The following FNDC1 variants were observed in gnomAD, a reference collection of about 807,000 sequenced individuals.
FNDC1 encodes fibronectin type III domain containing 1, also known as fibronectin type III domain-containing protein 1.
Under a neutral mutation model 168.0 loss-of-function variants are expected in FNDC1, and 96 were observed. The observed-to-expected ratio is 0.57, with a 90% confidence interval of 0.48 to 0.68. The LOEUF (loss-of-function observed/expected upper bound fraction) is 0.68. FNDC1 is among the 30% of genes least tolerant of loss of function. FNDC1 has a pLI of 0.00. For missense variants in FNDC1, 2,587 were observed against 2,482.1 expected (o/e 1.04, Z -0.90); for synonymous variants, 1,099 against 1,025.9 (o/e 1.07, Z -1.36).
chr6:159,228,598 A>G (rs1465790566), intron 9 of FNDC1, among the ~76,000 whole-genome samples: 1 of 152,198 alleles, frequency 6.6e-6, no homozygotes, highest in Non-Finnish European at 1.5e-5. Context: ...GGGAAAAGAA[A>G]AGATCATCCA....
At chr6:159,206,195 G>A (rs1022726582) in intron 4 of FNDC1, among the ~76,000 whole-genome samples, 13 of 152,374 alleles carry the variant, frequency 8.5e-5, no homozygotes, top group Admixed American at 3.9e-4. Flanking sequence ...CACCAGACTC[G>A]TGCTTAACAT....
chr6:159,216,751 A>G (rs1400975954), intron 5 of FNDC1, among the ~76,000 whole-genome samples: 3 of 152,214 alleles, frequency 2.0e-5, no homozygotes, highest in Admixed American at 1.3e-4. Context: ...CACTTGCCCT[A>G]TGTTCTCCAG....
At chr6:159,205,435 T>G (rs1410072201) in intron 4 of FNDC1, among the ~76,000 whole-genome samples, 1 of 152,214 alleles carries the variant, frequency 6.6e-6, no homozygotes, top group African/African-American at 2.4e-5. Context: ...TGTCTTGAGA[T>G]GGCTGTCTCT....
chr6:159,198,266 C>G (rs1419125382), intron 2 of FNDC1, among the ~76,000 whole-genome samples: 1 of 152,142 alleles, frequency 6.6e-6, no homozygotes, highest in African/African-American at 2.4e-5. Context: ...ATTCTTGAAC[C>G]ATGTCATGGC....
chr6:159,256,136 G>A (rs1777366871), intron 17 of FNDC1, among the ~76,000 whole-genome samples: 2 of 152,212 alleles, frequency 1.3e-5, no homozygotes, highest in African/African-American at 2.4e-5. Context: ...TTCCTGTGCA[G>A]GGCAATGGTG....
chr6:159,204,228 G>T (rs969995576), intron 4 of FNDC1, among the ~76,000 whole-genome samples: 1 of 152,164 alleles, frequency 6.6e-6, no homozygotes, highest in South Asian at 2.1e-4. Flanking sequence ...GTCACCCACT[G>T]ACTTCCGGGT....
intron 22 of FNDC1, 37 bp from the exon 23 acceptor site, chr6:159,271,290 C>A (rs1241863958): frequency 2.0e-6 from 3 of 1,465,536 alleles, no homozygotes; most frequent in Non-Finnish European, 1.9e-6. Flanking sequence ...GGTTCAGGGG[C>A]CTCTGACGCT....
chr6:159,260,133 T>A (rs1230253730), intron 18 of FNDC1, among the ~76,000 whole-genome samples: 1 of 152,262 alleles, frequency 6.6e-6, no homozygotes, highest in Non-Finnish European at 1.5e-5. Flanking sequence ...AAAAGCCAGA[T>A]AAGAGGTCCC....
At chr6:159,231,843 TTTC>T in intron 10 of FNDC1, 36 bp from the exon 11 acceptor site, 1 of 1,536,896 alleles carries the variant, frequency 6.5e-7, no homozygotes. Flanking sequence ...CGCTTTTGAG[TTTC>T]TTCTTTGACA....
intron 4 of FNDC1, among the ~76,000 whole-genome samples, chr6:159,202,531 G>A (rs1268074991): frequency 2.6e-5 from 4 of 152,204 alleles, no homozygotes; most frequent in South Asian, 2.1e-4. Flanking sequence ...CTGGTGTAAG[G>A]CCCAAAGGGA....
At chr6:159,212,532 G>GA (rs201356540) in intron 4 of FNDC1, among the ~76,000 whole-genome samples, 1,997 of 152,136 alleles carry the variant, frequency 0.013, 55 homozygotes, top group African/African-American at 0.046. Context: ...CAAAATACTT[G>GA]AAAAAAATGG....
chr6:159,241,417 AG>A (rs1252899216), intron 14 of FNDC1, among the ~76,000 whole-genome samples: 1 of 152,160 alleles, frequency 6.6e-6, no homozygotes, highest in Non-Finnish European at 1.5e-5. Flanking sequence ...TTGGCATGAA[AG>A]TCAATATTTT....
chr6:159,197,817 G>A (rs1199764681), intron 2 of FNDC1, among the ~76,000 whole-genome samples, 192 bp downstream of exon 2: 1 of 152,202 alleles, frequency 6.6e-6, no homozygotes, highest in African/African-American at 2.4e-5. Context: ...GGACACTTGG[G>A]CTTCCCCATC....
chr6:159,170,215 C>A (rs898387627), intron 1 of FNDC1, among the ~76,000 whole-genome samples: 14 of 152,044 alleles, frequency 9.2e-5, no homozygotes, highest in Admixed American at 5.9e-4. Context: ...GGTGCCTCTG[C>A]GCTCCAGAGG....
Position 159,271,583 on chromosome 6 carries a change from C to T in FNDC1, c.*141C>T. On this transcript the variant is annotated 3_prime_UTR_variant, in exon 23 of 23. Coordinates refer to ENST00000297267, the MANE Select transcript of FNDC1 (RefSeq NM_032532.3). ...AGGTCATAGATGGACACTGGCCATTCTGGTCATCTCAGTCTGGAACTCAGT... is the reference window on the plus strand; with the variant it reads ...AGGTCATAGATGGACACTGGCCATTTTGGTCATCTCAGTCTGGAACTCAGT... The T allele has an allele frequency of 1.6e-6, 1 of 631,862 alleles. No homozygotes were observed. Among genetic ancestry groups the T allele is most frequent in the Admixed American group, 2.4e-5 (1 of 41,208 alleles). 39.1% of individuals were successfully genotyped at this position (631,862 alleles called of 1,614,324 possible). A position where few individuals can be genotyped will look rare whatever the true frequency, so the allele number is the denominator to read the frequency against.
Position 159,231,910 on chromosome 6 carries a change from G to A in FNDC1, c.1398G>A (p.Thr466=). The A allele has an allele frequency of 6.2e-7, 1 of 1,611,066 alleles. No individual in the cohort carries two copies. Among genetic ancestry groups the A allele is most frequent in the Non-Finnish European group, 8.5e-7 (1 of 1,179,168 alleles). The change falls in exon 11 of 23, where the codon ACG becomes ACA. Residue 466 remains threonine, a synonymous_variant. Coordinates refer to ENST00000297267, the MANE Select transcript of FNDC1 (RefSeq NM_032532.3). Reference sequence around the variant, plus strand: ...GTAAGGCGGATGTTGAGCAGAACACGGAGGACAATGGGAAACCCGAAAAAC... The same window carrying A: ...GTAAGGCGGATGTTGAGCAGAACACAGAGGACAATGGGAAACCCGAAAAAC... The part of the protein sequence containing the change: ...TTSKADVEQN[T]EDNGKPEKPE...
At chr6:159,171,091 G>C (rs562421402) in intron 1 of FNDC1, among the ~76,000 whole-genome samples, 44 of 152,212 alleles carry the variant, frequency 2.9e-4, no homozygotes, top group Admixed American at 2.7e-3. Flanking sequence ...TTGCATGTGA[G>C]TGGGTCCGAG....
intron 1 of FNDC1, among the ~76,000 whole-genome samples, chr6:159,194,742 A>T (rs144360992): frequency 3.2e-4 from 49 of 152,242 alleles, no homozygotes; most frequent in African/African-American, 1.1e-3. Context: ...ATGCACATTG[A>T]TTTCTGCTTG....
chr6:159,255,137 T>C (rs1385334397), intron 17 of FNDC1, among the ~76,000 whole-genome samples: 1 of 152,214 alleles, frequency 6.6e-6, no homozygotes, highest in Non-Finnish European at 1.5e-5. Context: ...TTTCCCTTTC[T>C]TTTAGGATGA....
Sources: gnomAD v4.1 joint callset for allele counts (sites outside exome capture counted in the v4.1 genomes callset) on GRCh38, gnomAD v4.1.1 for gene constraint, MANE v1.5 for transcripts, NCBI Gene and HGNC (gene_info 2026-07-23, HGNC 2026-07-21) for gene names.